DDX19B: variants seen among roughly 807,000 people sequenced by gnomAD.
DDX19B encodes the protein ATP-dependent RNA helicase DDX19B.
A neutral mutation model predicts 58.1 loss-of-function variants in DDX19B; 27 were observed. The observed-to-expected ratio is 0.46, with a 90% CI of 0.34 to 0.64. The LOEUF (loss-of-function observed/expected upper bound fraction) is 0.64, where lower values mean the gene tolerates loss of function less well. Among genes scored for constraint, DDX19B ranks in the 30% least tolerant of loss-of-function variants. DDX19B has a pLI of 0.01. For missense variants in DDX19B, 399 were observed against 596.5 expected (o/e 0.67, Z 3.45); for synonymous variants, 187 against 214.4 (o/e 0.87, Z 1.12).
chr16:70,297,574 A>AT (rs1961275520), upstream of DDX19B, among the ~76,000 whole-genome samples: 2 of 152,064 alleles, frequency 1.3e-5, no homozygotes, highest in African/African-American at 4.8e-5. Context: ...GTTGGGATTC[A>AT]TTTTTTTCAG....
intron 5 of DDX19B, 182 bp downstream of exon 5, chr16:70,317,770 T>C: frequency 2.6e-6 from 1 of 381,366 alleles, no homozygotes; most frequent in Non-Finnish European, 4.7e-6. Flanking sequence ...AGACCCTGTC[T>C]CAACAAAAAA....
chr16:70,331,407 AAAGT>A (rs1419822957), intron 9 of DDX19B, among the ~76,000 whole-genome samples: 1 of 152,226 alleles, frequency 6.6e-6, no homozygotes, highest in African/African-American at 2.4e-5. Context: ...CCTAGATACA[AAAGT>A]AACAGCAGTT....
intron 2 of DDX19B, 49 bp from the exon 3 acceptor site, chr16:70,314,853 T>C (rs772382467): frequency 1.9e-6 from 3 of 1,593,482 alleles, no homozygotes; most frequent in Admixed American, 1.7e-5. Context: ...GTCTCAACTG[T>C]TGGGTATGGG....
intron 1 of DDX19B, among the ~76,000 whole-genome samples, chr16:70,307,282 G>A (rs1276398626): frequency 6.6e-6 from 1 of 152,170 alleles, no homozygotes; most frequent in African/African-American, 2.4e-5. Flanking sequence ...TAACTTTTGA[G>A]AAAGTGCCAG....
intron 4 of DDX19B, 48 bp from the exon 5 acceptor site, chr16:70,317,448 T>C: frequency 6.8e-7 from 1 of 1,468,786 alleles, no homozygotes; most frequent in African/African-American, 1.4e-5. Flanking sequence ...TTTTGCTGCT[T>C]TCCTCAACCA....
intron 1 of DDX19B, among the ~76,000 whole-genome samples, chr16:70,305,703 ATG>A (rs1961712583): frequency 6.6e-6 from 1 of 152,076 alleles, no homozygotes; most frequent in Non-Finnish European, 1.5e-5. Context: ...AGAGATAAAT[ATG>A]TGTTTCAAGT....
rs1322336497 is a variant in DDX19B at position 70,329,240 on chromosome 16, AAAAG to A, written c.608-40_608-37del. The A allele has an allele frequency of 9.8e-5, 154 of 1,564,912 alleles. No individual in the cohort carries two copies. In the Middle Eastern group the frequency reaches 1.2e-3, roughly 12 times the overall value. The stretch of plus-strand genomic sequence containing the variant: ...TCTGTCTCAAAAAAAAAAAAAAAAA[AAAAG>A]AAAGAAAGAAATACCCACACATGGA... On this transcript the variant is annotated intron_variant, in intron 7 of 11. Coordinates refer to ENST00000288071, the MANE Select transcript of DDX19B (RefSeq NM_007242.7).
intron 2 of DDX19B, among the ~76,000 whole-genome samples, chr16:70,313,768 G>A (rs866813594): frequency 6.6e-6 from 1 of 152,076 alleles, no homozygotes; most frequent in East Asian, 1.9e-4. Flanking sequence ...AATCTTTTTT[G>A]TATGATTTTA....
chr16:70,333,441 G>A (rs1407887065), intron 11 of DDX19B, 80 bp from the exon 12 acceptor site: 65 of 1,610,376 alleles, frequency 4.0e-5, no homozygotes, highest in Non-Finnish European at 5.1e-5. Context: ...CGGAGCCTTT[G>A]GGGCTGAATG....
At chr16:70,326,139 A>T (rs1482308537) in intron 7 of DDX19B, among the ~76,000 whole-genome samples, 1 of 152,094 alleles carries the variant, frequency 6.6e-6, no homozygotes, top group Non-Finnish European at 1.5e-5. Context: ...TCCCTATTAT[A>T]TTTAACATTT....
In DDX19B at chr16:70,324,681, C is replaced by T. The variant is rs1226214901; in HGVS notation, c.486C>T (p.Tyr162=). 1 of 1,611,424 alleles carries T rather than the reference C, an allele frequency of 6.2e-7. No individual in the cohort carries two copies. Among genetic ancestry groups the T allele is most frequent in the African/African-American group, 1.3e-5 (1 of 74,842 alleles). The change falls in exon 6 of 12, where the codon TAC becomes TAT. Residue 162 remains tyrosine (Y), a synonymous_variant. Transcript: ENST00000288071. ...MLSQVEPANK[Y]PQCLCLSPTY... is the part of the protein sequence containing the mutation. ...GCCAAGTAGAACCTGCAAACAAATA[C>T]CCCCAGGTAAGGATTTATGAATTTA...
rs113261271 is a variant in DDX19B at position 70,322,891 on chromosome 16, CAAAAAAA to C, written c.390-1677_390-1671del. On this transcript the variant is annotated intron_variant, in intron 5 of 11. Coordinates refer to ENST00000288071, the MANE Select transcript of DDX19B (RefSeq NM_007242.7). ...CGGTGACAACAGTGAAACTCCGTTGCAAAAAAAAAAAAAAAAAAAAAAAGTCCCCATA... is the reference window on the plus strand; with the variant it reads ...CGGTGACAACAGTGAAACTCCGTTGCAAAAAAAAAAAAAAAAGTCCCCATA... Among the ~76,000 whole-genome samples the C allele has an allele frequency of 6.2e-4, 30 of 48,158 alleles. No homozygotes were observed. The East Asian group carries it at 6.9e-3, about 11-fold the overall frequency. The allele number at this position is 48,158 out of a possible 152,430, so 31.6% of individuals were successfully genotyped here.
At chr16:70,329,243 A>AAG in intron 7 of DDX19B, 49 bp from the exon 8 acceptor site, 1 of 1,500,200 alleles carries the variant, frequency 6.7e-7, no homozygotes, top group Non-Finnish European at 9.0e-7. Flanking sequence ...AAAAAAAAAA[A>AAG]GAAAGAAAGA....
upstream of DDX19B, among the ~76,000 whole-genome samples, chr16:70,292,088 GC>G (rs2152176937): frequency 6.6e-6 from 1 of 151,808 alleles, no homozygotes; most frequent in Non-Finnish European, 1.5e-5. Context: ...GAAGCTGAAG[GC>G]TTCAGTGAGC....
upstream of DDX19B, among the ~76,000 whole-genome samples, chr16:70,291,634 C>A (rs554218702): frequency 5.9e-5 from 9 of 151,784 alleles, no homozygotes; most frequent in Admixed American, 2.6e-4. Flanking sequence ...ACGACGAAAC[C>A]CCGTCTCTAC....
intron 1 of DDX19B, among the ~76,000 whole-genome samples, chr16:70,308,476 A>ATC (rs1961896378): frequency 6.6e-6 from 1 of 151,998 alleles, no homozygotes; most frequent in Non-Finnish European, 1.5e-5. Flanking sequence ...ACCTCAGGTG[A>ATC]TCAGCCTGCC....
upstream of DDX19B, chr16:70,295,044 A>G (rs771540654): frequency 7.7e-7 from 1 of 1,303,934 alleles, no homozygotes; most frequent in Non-Finnish European, 9.8e-7. Flanking sequence ...TAGCCTTGTG[A>G]TCTAGAATCC....
In DDX19B at chr16:70,317,445, G is replaced by T. The variant is rs767776181; in HGVS notation, c.297-51G>T. On this transcript the variant is annotated intron_variant, in intron 4 of 11. Transcript: ENST00000288071. ...AGAAAAATCCTCCAGATATTTTGCT[G>T]CTTTCCTCAACCAAAGAGACTGTGA... 6.3e-6 allele frequency: 9 copies of T among 1,429,906 alleles called. No individual in the cohort carries two copies. In the African/African-American group the frequency reaches 1.3e-4, roughly 21 times the overall value. 88.6% of individuals were successfully genotyped at this position (1,429,906 alleles called of 1,614,324 possible). A position where few individuals can be genotyped will look rare whatever the true frequency, so the allele number is the denominator to read the frequency against.
chr16:70,311,927 C>T (rs906454417), intron 1 of DDX19B, among the ~76,000 whole-genome samples: 1 of 151,908 alleles, frequency 6.6e-6, no homozygotes, highest in African/African-American at 2.4e-5. Context: ...CTGCAACCTC[C>T]GCCTCCTGGG....
Sources: gnomAD v4.1 joint callset for allele counts (sites outside exome capture counted in the v4.1 genomes callset) on GRCh38, gnomAD v4.1.1 for gene constraint, MANE v1.5 for transcripts, NCBI Gene and HGNC (gene_info 2026-07-23, HGNC 2026-07-21) for gene names.